The following SCFD2 variants were observed in gnomAD, a reference collection of about 807,000 sequenced individuals.
SCFD2 encodes the protein sec1 family domain-containing protein 2.
Under a neutral mutation model 58.9 loss-of-function variants are expected in SCFD2, and 54 were observed. The observed-to-expected ratio is 0.92, with a 90% CI of 0.74 to 1.15. The LOEUF (loss-of-function observed/expected upper bound fraction) is 1.15. SCFD2 is among the 50% of genes most tolerant of loss of function. The pLI, the probability that SCFD2 is intolerant of heterozygous loss-of-function variation, is 0.00. For synonymous variants in SCFD2, 321 were observed against 335.9 expected (o/e 0.96, Z 0.49); for missense variants, 805 against 836.6 (o/e 0.96, Z 0.47).
chr4:53,250,078 T>C (rs1241001995), intron 4 of SCFD2, among the ~76,000 whole-genome samples: 6 of 152,078 alleles, frequency 3.9e-5, no homozygotes, highest in Non-Finnish European at 7.4e-5. Flanking sequence ...GAGACACACA[T>C]AGGCTCAAAA....
intron 2 of SCFD2, among the ~76,000 whole-genome samples, chr4:53,342,928 AT>A (rs1430477520): frequency 6.6e-6 from 1 of 152,228 alleles, no homozygotes; most frequent in Non-Finnish European, 1.5e-5. Context: ...GAGACACAAC[AT>A]ACCAGAATCT....
chr4:53,238,481 C>G (rs1361215504), intron 4 of SCFD2, among the ~76,000 whole-genome samples: 1 of 147,700 alleles, frequency 6.8e-6, no homozygotes, highest in Non-Finnish European at 1.5e-5. Context: ...CCGGATGGGG[C>G]GGCTGGTGGG....
At chr4:53,218,934 C>T (rs28887768) in intron 4 of SCFD2, among the ~76,000 whole-genome samples, 13,871 of 152,234 alleles carry the variant, frequency 0.091, 1,050 homozygotes, top group South Asian at 0.21. Context: ...GTATCAGCAG[C>T]GGAGGCTGCA....
chr4:53,231,330 T>C (rs1729432248), intron 4 of SCFD2, among the ~76,000 whole-genome samples: 1 of 152,148 alleles, frequency 6.6e-6, no homozygotes, highest in African/African-American at 2.4e-5. Context: ...TTTTTCTTGT[T>C]CATGGATTCA....
intron 4 of SCFD2, among the ~76,000 whole-genome samples, chr4:53,251,571 G>T (rs1240669511): frequency 6.6e-6 from 1 of 152,104 alleles, no homozygotes; most frequent in Non-Finnish European, 1.5e-5. Flanking sequence ...ATGCAAGGCT[G>T]GTTCAATATA....
At chr4:52,962,666 A>G (rs145832563) in intron 5 of SCFD2, among the ~76,000 whole-genome samples, 1 of 149,808 alleles carries the variant, frequency 6.7e-6, no homozygotes, top group African/African-American at 2.5e-5. Flanking sequence ...TGATGAAAAT[A>G]GTTTAGAGGG....
chr4:53,132,922 C>T (rs1169447563), intron 5 of SCFD2, among the ~76,000 whole-genome samples: 1 of 152,092 alleles, frequency 6.6e-6, no homozygotes, highest in African/African-American at 2.4e-5. Flanking sequence ...GTATACATAT[C>T]CTGAAATTTG....
intron 4 of SCFD2, among the ~76,000 whole-genome samples, chr4:53,210,541 C>T (rs915450536): frequency 3.9e-5 from 6 of 152,054 alleles, no homozygotes; most frequent in African/African-American, 1.5e-4. Context: ...TTCTATTAAA[C>T]CAGACATTAA....
chr4:53,101,738 T>C (rs1019957038), intron 5 of SCFD2, among the ~76,000 whole-genome samples: 3 of 152,084 alleles, frequency 2.0e-5, no homozygotes, highest in African/African-American at 7.2e-5. Flanking sequence ...AACACAAATG[T>C]AGACTTGAAC....
intron 5 of SCFD2, among the ~76,000 whole-genome samples, chr4:52,968,442 C>G (rs1383968091): frequency 6.6e-6 from 1 of 152,184 alleles, no homozygotes; most frequent in African/African-American, 2.4e-5. Context: ...TTGTTTATAT[C>G]TGGTCTTCCA....
chr4:53,359,377 G>A (rs1309739985), intron 1 of SCFD2, among the ~76,000 whole-genome samples: 1 of 151,884 alleles, frequency 6.6e-6, no homozygotes, highest in Non-Finnish European at 1.5e-5. Context: ...TTTCCTTTTG[G>A]TCTCTATATT....
chr4:53,338,569 A>ATTTTTTTTTTTTTT (rs1454636023), intron 2 of SCFD2, among the ~76,000 whole-genome samples: 5 of 58,366 alleles, frequency 8.6e-5, no homozygotes, highest in Admixed American at 2.3e-4. Flanking sequence ...AAAGCAGTAT[A>ATTTTTTTTTTTTTT]TTTTTCTTTT....
intron 5 of SCFD2, among the ~76,000 whole-genome samples, chr4:53,048,093 G>A (rs1202977094): frequency 6.6e-6 from 1 of 152,216 alleles, no homozygotes; most frequent in Admixed American, 6.5e-5. Context: ...GCTCAGACCT[G>A]TAATCCCAGC....
intron 5 of SCFD2, among the ~76,000 whole-genome samples, chr4:53,095,692 T>A (rs1724602747): frequency 6.6e-6 from 1 of 152,122 alleles, no homozygotes; most frequent in Admixed American, 6.6e-5. Context: ...AGACTCTTCA[T>A]GACCTACTAC....
intron 5 of SCFD2, among the ~76,000 whole-genome samples, chr4:53,072,744 G>A (rs565437037): frequency 2.3e-4 from 35 of 152,074 alleles, no homozygotes; most frequent in African/African-American, 7.7e-4. Context: ...GCATTTCACC[G>A]TGGAAGTGGC....
chr4:52,878,489 T>C (rs1718533064), intron 8 of SCFD2, among the ~76,000 whole-genome samples: 1 of 152,226 alleles, frequency 6.6e-6, no homozygotes, highest in South Asian at 2.1e-4. Context: ...TATGTTTGCA[T>C]CTTAGGCATC....
chr4:52,994,606 G>A (rs530498939), intron 5 of SCFD2, among the ~76,000 whole-genome samples: 2 of 152,246 alleles, frequency 1.3e-5, no homozygotes, highest in African/African-American at 4.8e-5. Flanking sequence ...CAGGTGGTGT[G>A]GGGATTACAC....
At chr4:53,109,065 T>G (rs1220409822) in intron 5 of SCFD2, among the ~76,000 whole-genome samples, 1 of 152,076 alleles carries the variant, frequency 6.6e-6, no homozygotes, top group Non-Finnish European at 1.5e-5. Flanking sequence ...GTTCAACATA[T>G]GCAAATCAAC....
intron 4 of SCFD2, among the ~76,000 whole-genome samples, chr4:53,155,040 A>C (rs1486022932): frequency 6.6e-6 from 1 of 152,222 alleles, no homozygotes; most frequent in African/African-American, 2.4e-5. Context: ...CCGAACAGTA[A>C]GAGAACAAAT....
Sources: gnomAD v4.1 joint callset for allele counts (sites outside exome capture counted in the v4.1 genomes callset) on GRCh38, gnomAD v4.1.1 for gene constraint, MANE v1.5 for transcripts, NCBI Gene and HGNC (gene_info 2026-07-23, HGNC 2026-07-21) for gene names.